Variants in MGST2 observed in about 807,000 individuals in gnomAD.
MGST2 encodes microsomal glutathione S-transferase 2.
Under a neutral mutation model 16.6 loss-of-function variants are expected in MGST2, and 9 were observed. That is an observed-to-expected ratio of 0.54 (90% CI 0.33 to 0.95). The LOEUF (loss-of-function observed/expected upper bound fraction) is 0.95, where lower values mean the gene tolerates loss of function less well. Among genes scored for constraint, MGST2 ranks in the 40% least tolerant of loss-of-function variants. The pLI, the probability that MGST2 is intolerant of heterozygous loss-of-function variation, is 0.03. For synonymous variants in MGST2, 79 were observed against 68.0 expected, an observed-to-expected ratio of 1.16 and a Z score of -0.79; for missense variants, 159 against 175.1, an observed-to-expected ratio of 0.91 and a Z score of 0.52.
intron 5 of MGST2, among the ~76,000 whole-genome samples, chr4:139,709,886 G>T (rs1727674122): frequency 6.6e-6 from 1 of 152,212 alleles, no homozygotes; most frequent in Non-Finnish European, 1.5e-5. Context: ...TCCACCTGTT[G>T]CATGAAATGA....
At chr4:139,681,843 C>T in intron 2 of MGST2, among the ~76,000 whole-genome samples, 1 of 152,108 alleles carries the variant, frequency 6.6e-6, no homozygotes, top group Non-Finnish European at 1.5e-5. Context: ...TCCTTGCCCT[C>T]TTGGAGTTTG....
chr4:139,713,028 A>G (rs953513980), intron 5 of MGST2, among the ~76,000 whole-genome samples: 1 of 152,240 alleles, frequency 6.6e-6, no homozygotes, highest in African/African-American at 2.4e-5. Context: ...GCTTTACTCA[A>G]TTGCTACAAG....
intron 5 of MGST2, among the ~76,000 whole-genome samples, chr4:139,726,274 T>A (rs937915494): frequency 6.6e-6 from 1 of 152,272 alleles, no homozygotes; most frequent in Admixed American, 6.5e-5. Context: ...TGTTGCTTGT[T>A]CATTCTCACT....
intron 1 of MGST2, among the ~76,000 whole-genome samples, chr4:139,670,011 G>A (rs143036636): frequency 1.7e-3 from 252 of 152,154 alleles, no homozygotes; most frequent in African/African-American, 5.8e-3. Context: ...TGCATTCCTC[G>A]GTCTTCTTTT....
At chr4:139,668,593 CACAGAGAGAG>C (rs1366446157) in intron 1 of MGST2, among the ~76,000 whole-genome samples, 5 of 119,370 alleles carry the variant, frequency 4.2e-5, no homozygotes, top group African/African-American at 1.6e-4. Context: ...TCAAGAAAGA[CACAGAGAGAG>C]AGAGAGAGAG....
chr4:139,716,661 A>G (rs13112141), intron 5 of MGST2: 54,954 of 152,550 alleles, frequency 0.36, 10,709 homozygotes, highest in South Asian at 0.51. Context: ...TTTTGAGAAA[A>G]GAACTGCAGT....
chr4:139,682,231 G>T (rs1731279469), intron 2 of MGST2, among the ~76,000 whole-genome samples: 1 of 125,708 alleles, frequency 8.0e-6, no homozygotes. Flanking sequence ...ATGTTAGAAG[G>T]TAATTGGTGC....
downstream of MGST2, among the ~76,000 whole-genome samples, chr4:139,707,690 T>A (rs1391975652): frequency 6.6e-6 from 1 of 150,420 alleles, no homozygotes; most frequent in Non-Finnish European, 1.5e-5. Context: ...AAAGTGTTCC[T>A]ATTTCTCCAC....
Position 139,678,528 on chromosome 4 carries a change from T to A in MGST2, c.59-15T>A. Reference sequence around the variant, plus strand: ...CGTGCCCCATCTTTAACGCAACATTTCCCTTTACTTGCAGGTTATTTTGCT... The same window carrying A: ...CGTGCCCCATCTTTAACGCAACATTACCCTTTACTTGCAGGTTATTTTGCT... On this transcript the variant is annotated splice_polypyrimidine_tract_variant and intron_variant, in intron 1 of 4. Coordinates refer to ENST00000265498, the MANE Select transcript of MGST2 (RefSeq NM_002413.5). 6.2e-7 allele frequency: 1 copy of A among 1,604,908 alleles called. No homozygotes were observed. Among genetic ancestry groups the A allele is most frequent in the Non-Finnish European group, 8.5e-7 (1 of 1,171,744 alleles).
intron 3 of MGST2, among the ~76,000 whole-genome samples, chr4:139,697,340 T>G (rs1053988374): frequency 6.6e-6 from 1 of 152,178 alleles, no homozygotes; most frequent in Non-Finnish European, 1.5e-5. Flanking sequence ...CACTTTTGTT[T>G]GCATTAAAAA....
At position 139,735,377 on chromosome 4, in the gene MGST2, G is replaced by A. The variant is rs886796578; in HGVS notation, c.*49-4835G>A. On this transcript the variant is annotated intron_variant, in intron 5 of 5. Transcript: ENST00000616265. This position sits in a 1 kb window ranked among gnomAD's most constrained non-coding sequence, Gnocchi z 5.8. ...TACCGACTTTTCTTCCAGCCGGAGGGGAGGAAGAATTCAAGTGGGGGAGGG... is the reference window on the plus strand; with the variant it reads ...TACCGACTTTTCTTCCAGCCGGAGGAGAGGAAGAATTCAAGTGGGGGAGGG... 6.6e-6 allele frequency among the ~76,000 whole-genome samples: 1 copy of A among 152,106 alleles called. No homozygotes were observed. Among genetic ancestry groups the A allele is most frequent in the South Asian group, 2.1e-4 (1 of 4,824 alleles).
chr4:139,696,423 C>T (rs1192537002), intron 3 of MGST2, among the ~76,000 whole-genome samples: 2 of 152,210 alleles, frequency 1.3e-5, no homozygotes, highest in African/African-American at 2.4e-5. Flanking sequence ...CTTGAATCAT[C>T]AGAACCCTTC....
chr4:139,723,575 G>A (rs940458024), intron 5 of MGST2, among the ~76,000 whole-genome samples: 6 of 152,094 alleles, frequency 3.9e-5, no homozygotes, highest in Non-Finnish European at 5.9e-5. Flanking sequence ...GCCTCCCAAC[G>A]TGCTGGGATT....
At chr4:139,713,635 C>T (rs1490496168) in intron 5 of MGST2, among the ~76,000 whole-genome samples, 4 of 152,158 alleles carry the variant, frequency 2.6e-5, no homozygotes, top group Admixed American at 2.0e-4. Flanking sequence ...GACTTCTAAC[C>T]ATAGTGTTCT....
intron 2 of MGST2, among the ~76,000 whole-genome samples, chr4:139,679,997 T>TCTCC (rs1028948918): frequency 3.9e-5 from 6 of 152,200 alleles, no homozygotes; most frequent in Non-Finnish European, 8.8e-5. Flanking sequence ...CTACCTCCCC[T>TCTCC]CTCCCTCTAT....
chr4:139,725,096 T>C (rs555112013), intron 5 of MGST2, among the ~76,000 whole-genome samples: 2 of 152,298 alleles, frequency 1.3e-5, no homozygotes, highest in African/African-American at 4.8e-5. Flanking sequence ...GGTTTGATAT[T>C]TGAACGGGCC....
At chr4:139,734,022 A>G (rs2111000875) in intron 5 of MGST2, among the ~76,000 whole-genome samples, 1 of 152,342 alleles carries the variant, frequency 6.6e-6, no homozygotes, top group South Asian at 2.1e-4. Context: ...ACTGCCTTCC[A>G]TACGAAACAT....
rs775901250 is a variant in MGST2, at chr4:139,730,645, G to A, written c.*49-9567G>A. ...GGACTGCATGGGGCCTGTGGTTCGG[G>A]GAAGTCCAACTGGATGCTGCTCCTG... On this transcript the variant is annotated intron_variant, in intron 5 of 5. Transcript: ENST00000616265. 6.8e-6 allele frequency: 11 copies of A among 1,612,860 alleles called. No individual in the cohort carries two copies. In the East Asian group the frequency reaches 2.0e-4, roughly 29 times the overall value.
intron 2 of MGST2, among the ~76,000 whole-genome samples, chr4:139,687,422 G>A (rs879510420): frequency 2.0e-5 from 3 of 152,202 alleles, no homozygotes; most frequent in Non-Finnish European, 2.9e-5. Flanking sequence ...AGTAGTTAGA[G>A]CAGAATTCCC....
Sources: allele counts gnomAD v4.1 joint callset (sites outside exome capture counted in the v4.1 genomes callset), GRCh38; gene constraint gnomAD v4.1.1; non-coding constraint Gnocchi (gnomAD v3.1); transcripts MANE v1.5; gene names NCBI Gene and HGNC (gene_info 2026-07-23, HGNC 2026-07-21).